The following CCDC93 variants were observed in gnomAD, a reference collection of about 807,000 sequenced individuals.
The protein encoded by CCDC93 is coiled-coil domain-containing protein 93.
Under a neutral mutation model 108.2 loss-of-function variants are expected in CCDC93, and 61 were observed. The ratio of observed to expected loss-of-function variants is 0.56; its 90% confidence interval spans 0.46 to 0.70. The LOEUF is 0.70. Among genes scored for constraint, CCDC93 ranks in the 30% least tolerant of loss-of-function variants. The probability of loss-of-function intolerance (pLI) is 0.00; values close to 1 mark genes in which losing one functional copy is unlikely to be tolerated. For synonymous variants in CCDC93, 276 were observed against 260.4 expected, an observed-to-expected ratio of 1.06 and a Z score of -0.58; for missense variants, 685 against 764.2, an observed-to-expected ratio of 0.90 and a Z score of 1.22.
rs1264303140 is a variant in CCDC93, at chr2:117,918,842, G to T, written c.*1501C>A. ...TGCTGCTTCCGCCTGGCTCAGGTAG[G>T]CCTTGCTGGCCCTGGCACTGAAACC... On this transcript the variant is annotated 3_prime_UTR_variant, in exon 24 of 24. Coordinates refer to ENST00000376300, the MANE Select transcript of CCDC93 (RefSeq NM_019044.5). The T allele has an allele frequency of 1.3e-5, 2 of 152,258 alleles. No individual in the cohort carries two copies. The highest frequency in any genetic ancestry group is 1.3e-4 in the Admixed American group (2 of 15,280). 9.4% of individuals were successfully genotyped at this position (152,258 alleles called of 1,614,324 possible).
chr2:117,979,424 G>A (rs1416322424), intron 7 of CCDC93, among the ~76,000 whole-genome samples: 4 of 152,130 alleles, frequency 2.6e-5, no homozygotes, highest in African/African-American at 4.8e-5. Context: ...CATGTGCTCA[G>A]CCTGGCCTAT....
At chr2:117,989,285 C>T (rs948196297) in intron 6 of CCDC93, among the ~76,000 whole-genome samples, 1 of 152,170 alleles carries the variant, frequency 6.6e-6, no homozygotes, top group African/African-American at 2.4e-5. Flanking sequence ...TGCTGAGCAA[C>T]ATCACCAAGA....
intron 6 of CCDC93, among the ~76,000 whole-genome samples, chr2:117,994,238 A>C (rs761934756): frequency 6.6e-6 from 1 of 152,182 alleles, no homozygotes; most frequent in Non-Finnish European, 1.5e-5. Flanking sequence ...TACATCTATC[A>C]ATCTTTTTAA....
At chr2:118,013,438 C>A (rs11686214) in intron 1 of CCDC93, among the ~76,000 whole-genome samples, 3 of 151,536 alleles carry the variant, frequency 2.0e-5, no homozygotes, top group South Asian at 4.2e-4. Flanking sequence ...CGGGTCCACG[C>A]AAGGAGGGTG....
intron 13 of CCDC93, 36 bp from the exon 14 acceptor site, chr2:117,949,431 T>G (rs1277550569): frequency 6.7e-7 from 1 of 1,484,134 alleles, no homozygotes. Context: ...TGCTGGAGCC[T>G]TGGTAGCAGA....
chr2:117,952,569 C>A, intron 12 of CCDC93, 134 bp from the exon 13 acceptor site: 1 of 670,962 alleles, frequency 1.5e-6, no homozygotes, highest in East Asian at 2.7e-5. Flanking sequence ...AAAGGGTTGC[C>A]AACAACAAAT....
In CCDC93 at chr2:117,944,037, A is replaced by G; in HGVS notation, c.1400T>C (p.Ile467Thr). 4 of 1,605,186 alleles carry G rather than the reference A, an allele frequency of 2.5e-6. No individual in the cohort carries two copies. The highest frequency in any genetic ancestry group is 3.4e-6 in the Non-Finnish European group (4 of 1,176,348). ...TCTTTTACTCACCTGTAGTAAACGT[A>G]TCTTGTAAAGTTTCTCTTTCTCCAT... ...YNMEKEKLYK[I>T]RLLQARRNRE... The change falls in exon 18 of 24, where the codon ATA becomes ACA. Residue 467 changes from isoleucine (I) to threonine (T), a missense_variant. Ile to Thr is a moderately conservative substitution (Grantham distance 89, BLOSUM62 -1). Transcript: ENST00000376300.
intron 22 of CCDC93, among the ~76,000 whole-genome samples, chr2:117,933,705 CT>C (rs77802787): frequency 0.13 from 19,366 of 144,066 alleles, 1,385 homozygotes; most frequent in Non-Finnish European, 0.17. Flanking sequence ...ACAGGGAAAG[CT>C]TTTTTTTTTT....
intron 11 of CCDC93, among the ~76,000 whole-genome samples, chr2:117,972,607 C>CT (rs1679800871): frequency 7.9e-6 from 1 of 126,482 alleles, no homozygotes; most frequent in Non-Finnish European, 1.7e-5. Context: ...ATCCAGTTGT[C>CT]ATTTTTTTTT....
At chr2:117,989,783 T>C (rs969644815) in intron 6 of CCDC93, among the ~76,000 whole-genome samples, 3 of 152,234 alleles carry the variant, frequency 2.0e-5, no homozygotes, top group Admixed American at 2.0e-4. Context: ...CTAAGATATA[T>C]ACATATTTAC....
At chr2:117,982,762 G>T (rs1362704340) in intron 7 of CCDC93, among the ~76,000 whole-genome samples, 4 of 151,942 alleles carry the variant, frequency 2.6e-5, no homozygotes, top group African/African-American at 7.3e-5. Context: ...TAGTGGGGGG[G>T]GGGGTGCGTG....
intron 22 of CCDC93, among the ~76,000 whole-genome samples, chr2:117,932,788 G>A (rs1053380633): frequency 1.3e-5 from 2 of 152,154 alleles, no homozygotes; most frequent in South Asian, 2.1e-4. Context: ...CCAGCCCACC[G>A]CAGTTCCCAC....
intron 1 of CCDC93, 48 bp from the exon 2 acceptor site, chr2:118,008,706 A>G (rs774103760): frequency 2.5e-6 from 3 of 1,194,224 alleles, no homozygotes; most frequent in Non-Finnish European, 1.2e-6. Flanking sequence ...TGCTGAATAA[A>G]GGAACACCAG....
intron 4 of CCDC93, among the ~76,000 whole-genome samples, chr2:117,998,538 G>C (rs1030135661): frequency 4.6e-5 from 7 of 152,198 alleles, no homozygotes; most frequent in African/African-American, 1.7e-4. Context: ...CTCCATTTTT[G>C]CTTTAAAATT....
At chr2:117,975,084 G>T in intron 9 of CCDC93, 104 bp downstream of exon 9, 1 of 1,080,880 alleles carries the variant, frequency 9.3e-7, no homozygotes, top group Non-Finnish European at 1.4e-6. Flanking sequence ...CACAGCAGCT[G>T]GCTGTGGGAG....
chr2:117,956,353 G>T (rs1468299007), intron 12 of CCDC93, among the ~76,000 whole-genome samples: 1 of 152,182 alleles, frequency 6.6e-6, no homozygotes, highest in East Asian at 1.9e-4. Flanking sequence ...GAGTCAGGGA[G>T]GATTGCCCTG....
intron 4 of CCDC93, 48 bp downstream of exon 4, chr2:118,000,773 C>A (rs755895425): frequency 6.8e-5 from 85 of 1,246,524 alleles, no homozygotes; most frequent in Middle Eastern, 4.5e-4. Context: ...AGGCCCATCA[C>A]AGGAATTCTG....
chr2:117,948,915 C>T (rs1187302764), intron 14 of CCDC93, among the ~76,000 whole-genome samples: 4 of 152,198 alleles, frequency 2.6e-5, no homozygotes, highest in Non-Finnish European at 4.4e-5. Context: ...AAAGACTGCA[C>T]CTTTTCTACC....
intron 11 of CCDC93, among the ~76,000 whole-genome samples, chr2:117,962,739 G>A (rs1251929927): frequency 2.0e-5 from 3 of 152,180 alleles, no homozygotes; most frequent in African/African-American, 4.8e-5. Context: ...AATTTCGGAA[G>A]GCCAAAAAGT....
Sources: gnomAD v4.1 joint callset for allele counts (sites outside exome capture counted in the v4.1 genomes callset) on GRCh38, gnomAD v4.1.1 for gene constraint, MANE v1.5 for transcripts, NCBI Gene and HGNC (gene_info 2026-07-23, HGNC 2026-07-21) for gene names.